SMIM43: variants seen among roughly 807,000 people sequenced by gnomAD.
SMIM43 encodes Nodal Enhanced MEsendoderm Peptide.
intron 2 of SMIM43, among the ~76,000 whole-genome samples, 200 bp from the exon 3 acceptor site, chr4:121,762,998 C>T (rs1167728933): frequency 6.6e-6 from 1 of 152,200 alleles, no homozygotes; most frequent in African/African-American, 2.4e-5. Context: ...GCAGAGATAT[C>T]AACCAATTAG....
In SMIM43 at chr4:121,761,595, A is replaced by G. The variant is rs1164776956; in HGVS notation, c.*442T>C. The stretch of plus-strand genomic sequence containing the variant: ...CAAAAACAAATCCTGGCACCTTGCC[A>G]TTCCCAGAAAAGCCAGTGCATGGCA... On this transcript the variant is annotated 3_prime_UTR_variant, in exon 5 of 6. Transcript: ENST00000643802. 1.1e-5 allele frequency: 18 copies of G among 1,613,492 alleles called. No homozygotes were observed. In the Middle Eastern group the frequency reaches 6.6e-4, roughly 59 times the overall value.
rs370644234 is a variant in SMIM43 at position 121,763,799 on chromosome 4, C to T, written c.*171G>A. ...AAGCTTCCATCTCCCGTTGTTCCAGCCTTCTTTTTGCAGGCCCAAACTGTC... is the reference window on the plus strand; with the variant it reads ...AAGCTTCCATCTCCCGTTGTTCCAGTCTTCTTTTTGCAGGCCCAAACTGTC... On this transcript the variant is annotated 3_prime_UTR_variant, in exon 2 of 6. Transcript: ENST00000643802. The T allele has an allele frequency of 6.6e-6, 1 of 152,250 alleles. No individual in the cohort carries two copies. The highest frequency in any genetic ancestry group is 1.5e-5 in the Non-Finnish European group (1 of 68,082). 9.4% of individuals were successfully genotyped at this position (152,250 alleles called of 1,614,324 possible). A position where few individuals can be genotyped will look rare whatever the true frequency, so the allele number is the denominator to read the frequency against.
At chr4:121,760,813 A>G (rs1726018480) in intron 5 of SMIM43, among the ~76,000 whole-genome samples, 1 of 152,138 alleles carries the variant, frequency 6.6e-6, no homozygotes, top group Non-Finnish European at 1.5e-5. Context: ...GCTCAAACCC[A>G]CCCATGTCCT....
rs577769059 is a variant in SMIM43 at position 121,763,869 on chromosome 4, G to A, written c.*101C>T. Reference sequence around the variant, plus strand: ...GAGCACCAGTCAAGGGCAGCAGCTCGGCTCTAGAAAGAGAGATGACATAAA... The same window carrying A: ...GAGCACCAGTCAAGGGCAGCAGCTCAGCTCTAGAAAGAGAGATGACATAAA... On this transcript the variant is annotated 3_prime_UTR_variant, in exon 2 of 6. Coordinates refer to ENST00000643802, the MANE Select transcript of SMIM43 (RefSeq NM_001384332.1). 6.6e-6 allele frequency: 1 copy of A among 152,080 alleles called. No homozygotes were observed. Among genetic ancestry groups the A allele is most frequent in the Non-Finnish European group, 1.5e-5 (1 of 68,030 alleles). 9.4% of individuals were successfully genotyped at this position (152,080 alleles called of 1,614,324 possible). A position where few individuals can be genotyped will look rare whatever the true frequency, so the allele number is the denominator to read the frequency against.
intron 5 of SMIM43, 29 bp from the exon 6 acceptor site, chr4:121,760,503 C>A: frequency 6.6e-7 from 1 of 1,503,764 alleles, no homozygotes; most frequent in South Asian, 1.3e-5. Flanking sequence ...GGAACCTCAG[C>A]AGCCACCTTA....
Position 121,760,141 on chromosome 4 carries a change from T to G in SMIM43, c.*833A>C. 1 of 1,246,790 alleles carries G rather than the reference T, an allele frequency of 8.0e-7. No homozygotes were observed. The highest frequency in any genetic ancestry group is 2.5e-5 in the East Asian group (1 of 40,496). 77.2% of individuals were successfully genotyped at this position (1,246,790 alleles called of 1,614,324 possible). On this transcript the variant is annotated 3_prime_UTR_variant, in exon 6 of 6. Coordinates refer to ENST00000643802, the MANE Select transcript of SMIM43 (RefSeq NM_001384332.1). ...GTGAAGGAACTAGAGTTTTGATCTT[T>G]TTGAACTTTATGCTCCTCTGCAACT...
At chr4:121,761,493 T>C (rs551136648) in intron 5 of SMIM43, 45 bp downstream of exon 5, 16 of 1,519,226 alleles carry the variant, frequency 1.1e-5, no homozygotes, top group East Asian at 4.6e-5. Flanking sequence ...ATTGGAAATA[T>C]AGAATGTCAA....
At chr4:121,764,746 C>T (rs1726257652) in intron 1 of SMIM43, 71 bp downstream of exon 1, 1 of 394,460 alleles carries the variant, frequency 2.5e-6, no homozygotes, top group Non-Finnish European at 4.5e-6. Context: ...CCGGGCCTCC[C>T]ACAGGAGCGG....
At chr4:121,765,366 G>A (rs376026580), upstream of SMIM43, 16 of 289,180 alleles carry the variant, frequency 5.5e-5, no homozygotes, top group South Asian at 6.5e-4. Context: ...TGCTCTTGAG[G>A]ACGCGAGCGA....
intron 3 of SMIM43, 104 bp from the exon 4 acceptor site, chr4:121,761,996 C>T (rs1047984946): frequency 1.1e-6 from 1 of 944,790 alleles, no homozygotes; most frequent in African/African-American, 1.7e-5. Flanking sequence ...AAATTCAAGT[C>T]ACCTTCTAAC....
intron 5 of SMIM43, among the ~76,000 whole-genome samples, chr4:121,761,157 C>A (rs985983094): frequency 1.4e-4 from 21 of 151,852 alleles, no homozygotes; most frequent in African/African-American, 4.6e-4. Flanking sequence ...ATTTACAACT[C>A]AATTCTTAAC....
Position 121,759,592 on chromosome 4 carries a change from T to C in SMIM43, c.*1382A>G, listed in dbSNP as rs1451282186. 1 of 152,266 alleles carries C rather than the reference T, an allele frequency of 6.6e-6. No individual in the cohort carries two copies. Among genetic ancestry groups the C allele is most frequent in the Non-Finnish European group, 1.5e-5 (1 of 68,048 alleles). The allele number at this position is 152,266 out of a possible 1,614,324, so 9.4% of individuals were successfully genotyped here. ...GGACACTGCAGATATAGAACATTTC[T>C]GTCATCACAGAAAGTTCTTTTAGAC... On this transcript the variant is annotated 3_prime_UTR_variant, in exon 6 of 6. Transcript: ENST00000643802.
chr4:121,762,176 G>A (rs752380455), intron 3 of SMIM43, among the ~76,000 whole-genome samples: 11 of 152,126 alleles, frequency 7.2e-5, no homozygotes, highest in Non-Finnish European at 1.6e-4. Context: ...TTGGCACATA[G>A]TGATTGTCAG....
At chr4:121,761,234 A>T (rs1484998484) in intron 5 of SMIM43, among the ~76,000 whole-genome samples, 1 of 152,176 alleles carries the variant, frequency 6.6e-6, no homozygotes, top group Admixed American at 6.5e-5. Context: ...TTAATTGTGG[A>T]TTTAGCTTAA....
chr4:121,762,521 T>C (rs2110525908), intron 3 of SMIM43: 1 of 152,184 alleles, frequency 6.6e-6, no homozygotes, highest in South Asian at 2.1e-4. Context: ...TAGAGTCAAG[T>C]TCCAAGCAGA....
chr4:121,761,722 TC>T, intron 4 of SMIM43, 27 bp from the exon 5 acceptor site: 1 of 1,611,070 alleles, frequency 6.2e-7, no homozygotes, highest in South Asian at 1.1e-5. Flanking sequence ...GACATAGGAA[TC>T]TACTTTATTA....
chr4:121,764,060 G>C (rs1297616750), intron 1 of SMIM43, 188 bp from the exon 2 acceptor site: 1 of 151,592 alleles, frequency 6.6e-6, no homozygotes, highest in African/African-American at 2.4e-5. Flanking sequence ...CCTTTTTCCT[G>C]TTTCCCTACA....
rs1004133477 is a variant in SMIM43 at position 121,764,869 on chromosome 4, G to A, written c.*45C>T. 2.5e-6 allele frequency: 1 copy of A among 397,952 alleles called. No individual in the cohort carries two copies. Among genetic ancestry groups the A allele is most frequent in the Admixed American group, 4.4e-5 (1 of 22,712 alleles). 24.7% of individuals were successfully genotyped at this position (397,952 alleles called of 1,614,324 possible). Reference sequence around the variant, plus strand: ...AGAATCGAGGCGGAGACCCAGCCCAGCGCCCGCGCAGCTCGGTGCCCTCCC... The same window carrying A: ...AGAATCGAGGCGGAGACCCAGCCCAACGCCCGCGCAGCTCGGTGCCCTCCC... On this transcript the variant is annotated 3_prime_UTR_variant, in exon 1 of 6. Transcript: ENST00000643802.
chr4:121,760,163 A>G lies in SMIM43; in HGVS notation c.*811T>C. ...CTTTTTGAACTTTATGCTCCTCTGC[A>G]ACTGTATTCTGTAGCCAGGGCATAA... On this transcript the variant is annotated 3_prime_UTR_variant, in exon 6 of 6. Transcript: ENST00000643802. 7.2e-7 allele frequency: 1 copy of G among 1,391,540 alleles called. No homozygotes were observed. Among genetic ancestry groups the G allele is most frequent in the Non-Finnish European group, 9.7e-7 (1 of 1,033,576 alleles). The allele number at this position is 1,391,540 out of a possible 1,614,324, so 86.2% of individuals were successfully genotyped here. A position where few individuals can be genotyped will look rare whatever the true frequency, so the allele number is the denominator to read the frequency against.
Sources: allele counts gnomAD v4.1 joint callset (sites outside exome capture counted in the v4.1 genomes callset), GRCh38; gene constraint gnomAD v4.1.1; transcripts MANE v1.5; gene names NCBI Gene and HGNC (gene_info 2026-07-23, HGNC 2026-07-21).